The following ADAMTS2 variants were observed in gnomAD, a reference collection of about 807,000 sequenced individuals.
ADAMTS2 encodes the protein ADAM metallopeptidase with thrombospondin type 1 motif 2, also known as A disintegrin and metalloproteinase with thrombospondin motifs 2.
A neutral mutation model predicts 123.0 loss-of-function variants in ADAMTS2; 50 were observed. That is an observed-to-expected ratio of 0.41 (90% CI 0.32 to 0.51). The LOEUF is 0.51. Among genes scored for constraint, ADAMTS2 ranks in the 20% least tolerant of loss-of-function variants. The pLI is 0.35. For synonymous variants in ADAMTS2, 678 were observed against 695.4 expected (o/e 0.98, Z 0.39); for missense variants, 1,494 against 1,705.2 (o/e 0.88, Z 2.18).
chr5:179,209,556 ACAC>A (rs1454023523), intron 3 of ADAMTS2, among the ~76,000 whole-genome samples: 1 of 150,704 alleles, frequency 6.6e-6, no homozygotes, highest in Non-Finnish European at 1.5e-5. Flanking sequence ...ATGTACACAC[ACAC>A]AAGCACACAC....
rs565382005 is a variant in ADAMTS2, at chr5:179,143,430, A to G, written c.1630-3395T>C. Among the ~76,000 whole-genome samples the G allele has an allele frequency of 1.3e-3, 169 of 126,388 alleles. 1 individual carries two copies. The highest frequency in any genetic ancestry group is 5.6e-3 in the African/African-American group (160 of 28,694). The allele number at this position is 126,388 out of a possible 152,430, so 82.9% of individuals were successfully genotyped here. ...GCTGGGTAACAGAGACTCTGTCTCG[A>G]AAAAAAAAAAAAAAAAAGAAGAACT... On this transcript the variant is annotated intron_variant, in intron 10 of 21. Transcript: ENST00000251582.
intron 3 of ADAMTS2, among the ~76,000 whole-genome samples, chr5:179,227,646 G>C (rs1429824707): frequency 2.0e-5 from 3 of 152,160 alleles, no homozygotes; most frequent in African/African-American, 7.2e-5. Context: ...CAGACACAGA[G>C]AGGGAACCTG....
In ADAMTS2 at chr5:179,312,274, A is replaced by G. The variant is rs1756854676; in HGVS notation, c.534+31493T>C. 6.6e-6 allele frequency among the ~76,000 whole-genome samples: 1 copy of G among 152,176 alleles called. No homozygotes were observed. The highest frequency in any genetic ancestry group is 1.9e-4 in the East Asian group (1 of 5,196). On this transcript the variant is annotated intron_variant, in intron 2 of 21. Transcript: ENST00000251582. The surrounding 1 kb of genome is among the most constrained non-coding windows in gnomAD (Gnocchi z 4.2). ...GCCCAGGGATAGACAGAATGTTTAT[A>G]TTCCCCCCAAATTCCGATGTTGAAA...
intron 2 of ADAMTS2, among the ~76,000 whole-genome samples, chr5:179,336,217 C>G (rs776404744): frequency 6.6e-6 from 1 of 152,216 alleles, no homozygotes; most frequent in Non-Finnish European, 1.5e-5. Flanking sequence ...CCAACGCAGT[C>G]CCTCACTGTC....
chr5:179,231,436 A>G (rs1006962222), intron 3 of ADAMTS2, among the ~76,000 whole-genome samples: 6 of 152,152 alleles, frequency 3.9e-5, no homozygotes, highest in African/African-American at 1.4e-4. Context: ...AACAGAAATG[A>G]AGGGACAGAA....
intron 5 of ADAMTS2, among the ~76,000 whole-genome samples, chr5:179,178,840 G>A (rs1018971456): frequency 1.2e-4 from 19 of 152,230 alleles, no homozygotes; most frequent in African/African-American, 4.1e-4. Flanking sequence ...ACCCAAGGAA[G>A]AAGCTTTTGG....
chr5:179,192,446 C>G (rs902599835), intron 4 of ADAMTS2, among the ~76,000 whole-genome samples: 8 of 152,222 alleles, frequency 5.3e-5, no homozygotes, highest in African/African-American at 1.9e-4. Flanking sequence ...TCCCCCTGCA[C>G]CACCAGAGTC....
In ADAMTS2 at chr5:179,158,533, T is replaced by A. The variant is rs185534139; in HGVS notation, c.1132+190A>T. Among the ~76,000 whole-genome samples, 5 of 152,292 alleles carry A rather than the reference T, an allele frequency of 3.3e-5. No homozygotes were observed. In the East Asian group the frequency reaches 9.7e-4, roughly 29 times the overall value. ...TACACATAGGTCCAATTCAGGACAC[T>A]GGATTCTCTTCTAATGATGTATTTG... On this transcript the variant is annotated intron_variant, in intron 6 of 21. Coordinates refer to ENST00000251582, the MANE Select transcript of ADAMTS2 (RefSeq NM_014244.5). This position sits in a 1 kb window ranked among gnomAD's most constrained non-coding sequence, Gnocchi z 5.0.
chr5:179,169,295 G>A (rs544590330), intron 5 of ADAMTS2, among the ~76,000 whole-genome samples: 19 of 152,164 alleles, frequency 1.2e-4, no homozygotes, highest in Non-Finnish European at 1.9e-4. Flanking sequence ...GGGTCCTTAC[G>A]ACACATCAGT....
rs1762702544 is a variant in ADAMTS2 at position 179,118,613 on chromosome 5, T to C, written c.3178+3048A>G. On this transcript the variant is annotated intron_variant, in intron 21 of 21. Transcript: ENST00000251582. The surrounding 1 kb of genome is among the most constrained non-coding windows in gnomAD (Gnocchi z 4.5). ...ACTTAAAATTTGTTTTAGAAGACCT[T>C]ATACTATTACCACTCATGGAAAGCT... is the stretch of plus-strand genomic sequence containing the variant. Among the ~76,000 whole-genome samples the C allele has an allele frequency of 6.6e-6, 1 of 152,200 alleles. No homozygotes were observed. The highest frequency in any genetic ancestry group is 2.4e-5 in the African/African-American group (1 of 41,436).
Position 179,170,071 on chromosome 5 carries a change from TG to T in ADAMTS2, c.975+11000del, listed in dbSNP as rs572747496. Among the ~76,000 whole-genome samples the T allele has an allele frequency of 3.7e-3, 568 of 152,342 alleles. 3 individuals carry two copies. The highest frequency in any genetic ancestry group is 0.023 in the South Asian group (113 of 4,826). ...TGTTGCCGATGCTCTGCTCCCTGGC[TG>T]GTGGTATATTGTATAAAATAAGATC... On this transcript the variant is annotated intron_variant, in intron 5 of 21. Transcript: ENST00000251582. The surrounding 1 kb of genome is among the most constrained non-coding windows in gnomAD (Gnocchi z 4.3).
rs756649326 is a variant in ADAMTS2, at chr5:179,312,132, G to C, written c.534+31635C>G. 6.6e-6 allele frequency among the ~76,000 whole-genome samples: 1 copy of C among 152,170 alleles called. No individual in the cohort carries two copies. The highest frequency in any genetic ancestry group is 2.4e-5 in the African/African-American group (1 of 41,442). On this transcript the variant is annotated intron_variant, in intron 2 of 21. Transcript: ENST00000251582. This position sits in a 1 kb window ranked among gnomAD's most constrained non-coding sequence, Gnocchi z 4.2. ...GCTGAAAAATGGCCCCCGAAGACAC[G>C]TCCGGGTCCCAATCCCTGGAACCCA...
intron 3 of ADAMTS2, among the ~76,000 whole-genome samples, chr5:179,248,040 C>A (rs2113463889): frequency 6.6e-6 from 1 of 152,186 alleles, no homozygotes; most frequent in East Asian, 1.9e-4. Context: ...AATTATAAAT[C>A]TACATTAATA....
rs1167757112 is a variant in ADAMTS2, at chr5:179,121,730, T to G, written c.3109A>C (p.Lys1037Gln). The G allele has an allele frequency of 6.3e-7, 1 of 1,585,442 alleles. No individual in the cohort carries two copies. Among genetic ancestry groups the G allele is most frequent in the African/African-American group, 1.4e-5 (1 of 73,874 alleles). Reference protein sequence around the residue: ...PCPRNISDPSKKSYVVQWLSR... With the variant: ...PCPRNISDPSQKSYVVQWLSR... ...AGCCACTGAACTACGTAGCTCTTCT[T>G]GGAGGGATCTGAGATGTTTCCTAGA... Residue 1037 changes from lysine to glutamine, a missense_variant, in exon 21 of 22, where the codon AAG becomes CAG. Lys to Gln is a moderately conservative substitution (Grantham distance 53). Around this residue, in one of 6 missense-constraint regions of ADAMTS2, gnomAD observed 953 missense variants for 1,124.7 expected, o/e 0.85. Coordinates refer to ENST00000251582, the MANE Select transcript of ADAMTS2 (RefSeq NM_014244.5).
intron 2 of ADAMTS2, among the ~76,000 whole-genome samples, chr5:179,301,844 TGCAGCCGGAGAGCCGGTG>T (rs1168432708): frequency 6.6e-6 from 1 of 152,196 alleles, no homozygotes; most frequent in East Asian, 1.9e-4. Flanking sequence ...GAAGAAGGAG[TGCAGCCGGAGAGCCGGTG>T]GCAGCAGGGC....
In ADAMTS2 at chr5:179,113,878, C is replaced by T. The variant is rs769813298; in HGVS notation, c.3625G>A (p.Gly1209Arg). 2.0e-5 allele frequency: 33 copies of T among 1,613,974 alleles called. No individual in the cohort carries two copies. The highest frequency in any genetic ancestry group is 1.5e-4 in the Admixed American group (9 of 60,004). ...ATCTTTCCATTTTATTAGAACTTTCCGAGCATCTCTTTCTTCCGCATCTCA... is the reference window on the plus strand; with the variant it reads ...ATCTTTCCATTTTATTAGAACTTTCTGAGCATCTCTTTCTTCCGCATCTCA... Reference protein sequence around the residue: ...IDEMRKKEMLGKF With the variant: ...IDEMRKKEMLRKF Residue 1209 changes from glycine (G) to arginine (R), a missense_variant, in exon 22 of 22, where the codon GGA (glycine) becomes AGA (arginine). Gly to Arg is a moderately radical substitution (Grantham distance 125). Around this residue, in one of 6 missense-constraint regions of ADAMTS2, gnomAD observed 953 missense variants for 1,124.7 expected, o/e 0.85. Coordinates refer to ENST00000251582, the MANE Select transcript of ADAMTS2 (RefSeq NM_014244.5).
rs1296948919 is a variant in ADAMTS2 at position 179,128,014 on chromosome 5, C to T, written c.2562G>A (p.Val854=). Residue 854 remains valine, a synonymous_variant, in exon 17 of 22, where the codon GTG becomes GTA. Coordinates refer to ENST00000251582, the MANE Select transcript of ADAMTS2 (RefSeq NM_014244.5). The surrounding 1 kb of genome is among the most constrained non-coding windows in gnomAD (Gnocchi z 4.9). ...DDNNVLEEDS[V]VYEWALKKWS... ...ACTTCTTCAGGGCCCACTCGTAGAC[C>T]ACAGAGTCCTCTTCCAGGACGTTGT... 1.2e-6 allele frequency: 2 copies of T among 1,614,104 alleles called. No individual in the cohort carries two copies. The highest frequency in any genetic ancestry group is 1.7e-6 in the Non-Finnish European group (2 of 1,180,038).
chr5:179,136,338 C>G (rs1331960835), intron 12 of ADAMTS2, among the ~76,000 whole-genome samples: 3 of 152,184 alleles, frequency 2.0e-5, no homozygotes, highest in Non-Finnish European at 4.4e-5. Context: ...ACCTCCGAGG[C>G]TGCAAATGTC....
intron 2 of ADAMTS2, among the ~76,000 whole-genome samples, chr5:179,337,795 G>A (rs955067294): frequency 1.7e-4 from 26 of 152,212 alleles, no homozygotes; most frequent in African/African-American, 5.8e-4. Flanking sequence ...ACTCACCCAG[G>A]TGTGGCCCCT....
Sources: gnomAD v4.1 joint callset for allele counts (sites outside exome capture counted in the v4.1 genomes callset) on GRCh38, gnomAD v4.1.1 for gene constraint, gnomAD v4.1.1 regional missense constraint, Gnocchi (gnomAD v3.1) non-coding constraint, MANE v1.5 for transcripts, NCBI Gene and HGNC (gene_info 2026-07-23, HGNC 2026-07-21) for gene names.